The following HYCC2 variants were observed in gnomAD, a reference collection of about 807,000 sequenced individuals.
The protein encoded by HYCC2 is hyccin 2.
chr2:201,032,375 A>T, the HYCC2 span, among the ~76,000 whole-genome samples: 1 of 152,110 alleles, frequency 6.6e-6, no homozygotes, highest in Non-Finnish European at 1.5e-5. Flanking sequence ...CTTGAAGATG[A>T]ATATTAGACT....
At chr2:201,000,909 G>A in the HYCC2 span, among the ~76,000 whole-genome samples, 2 of 151,344 alleles carry the variant, frequency 1.3e-5, no homozygotes, top group South Asian at 2.1e-4. Flanking sequence ...CAAGGCAGGT[G>A]GATCACCTGA....
the HYCC2 span, among the ~76,000 whole-genome samples, chr2:201,046,322 G>A: frequency 1.3e-5 from 2 of 152,236 alleles, no homozygotes; most frequent in South Asian, 4.1e-4. Flanking sequence ...TATTTTAACT[G>A]AAGATGTGTC....
the HYCC2 span, among the ~76,000 whole-genome samples, chr2:201,053,445 C>A: frequency 2.0e-5 from 3 of 152,250 alleles, no homozygotes; most frequent in East Asian, 1.9e-4. Flanking sequence ...TATAGGAATG[C>A]GAAACTATCC....
the HYCC2 span, chr2:200,996,028 CTTT>C: frequency 5.2e-5 from 6 of 115,502 alleles, no homozygotes; most frequent in East Asian, 2.5e-4. Context: ...TTTCTTTTTT[CTTT>C]TTTTTTTTTT....
the HYCC2 span, among the ~76,000 whole-genome samples, chr2:201,019,067 GT>G: frequency 6.6e-6 from 1 of 152,182 alleles, no homozygotes; most frequent in African/African-American, 2.4e-5. Flanking sequence ...TTTGGAAACT[GT>G]CAGTTGCTGG....
At chr2:201,011,511 C>CCTCCG in the HYCC2 span, 1 of 935,594 alleles carries the variant, frequency 1.1e-6, no homozygotes, top group Non-Finnish European at 1.5e-6. Context: ...GAAATAATCA[C>CCTCCG]AGATCTACAC....
At chr2:201,019,411 T>C in the HYCC2 span, among the ~76,000 whole-genome samples, 12 of 152,146 alleles carry the variant, frequency 7.9e-5, no homozygotes, top group African/African-American at 2.7e-4. Context: ...GGGTAGATGT[T>C]GGCAATCCAG....
At chr2:201,062,770 A>G in the HYCC2 span, among the ~76,000 whole-genome samples, 1 of 151,064 alleles carries the variant, frequency 6.6e-6, no homozygotes, top group African/African-American at 2.4e-5. Flanking sequence ...GTGAGCTATA[A>G]TCGCACCACT....
At chr2:201,035,856 C>T in the HYCC2 span, among the ~76,000 whole-genome samples, 1 of 152,046 alleles carries the variant, frequency 6.6e-6, no homozygotes, top group African/African-American at 2.4e-5. Flanking sequence ...TTGGAGTTTG[C>T]CGGAGGTCCA....
chr2:200,997,967 C>T, the HYCC2 span, among the ~76,000 whole-genome samples: 288 of 152,240 alleles, frequency 1.9e-3, no homozygotes, highest in Middle Eastern at 6.8e-3. Context: ...ACCCGGGAGG[C>T]GGAGGTTGCA....
the HYCC2 span, among the ~76,000 whole-genome samples, chr2:201,050,233 C>G: frequency 6.6e-6 from 1 of 150,936 alleles, no homozygotes; most frequent in East Asian, 1.9e-4. Context: ...AAAAATTCCC[C>G]CCAAAACAAA....
chr2:200,988,308 A>G, the HYCC2 span: 1 of 1,613,734 alleles, frequency 6.2e-7, no homozygotes, highest in South Asian at 1.1e-5. Context: ...TTGTAATTGC[A>G]GTCCGAGAAA....
the HYCC2 span, among the ~76,000 whole-genome samples, chr2:200,999,707 A>C: frequency 6.6e-6 from 1 of 150,916 alleles, no homozygotes; most frequent in Non-Finnish European, 1.5e-5. Context: ...CTATTCTTAA[A>C]CATGAGGGAA....
At chr2:201,012,881 G>A in the HYCC2 span, among the ~76,000 whole-genome samples, 1 of 151,178 alleles carries the variant, frequency 6.6e-6, no homozygotes. Context: ...GGAGGCAGAG[G>A]TTGCAGTGAG....
the HYCC2 span, among the ~76,000 whole-genome samples, chr2:201,042,873 G>T: frequency 2.2e-5 from 3 of 137,452 alleles, no homozygotes; most frequent in Non-Finnish European, 4.8e-5. Context: ...CCCTCTGCCC[G>T]GCCGCCCCGT....
the HYCC2 span, among the ~76,000 whole-genome samples, chr2:201,035,380 C>G: frequency 6.6e-5 from 10 of 152,144 alleles, no homozygotes; most frequent in African/African-American, 1.9e-4. Context: ...ACCCTTTCTT[C>G]CAGTTGATTG....
the HYCC2 span, among the ~76,000 whole-genome samples, chr2:201,070,936 T>C: frequency 1.1e-4 from 16 of 152,226 alleles, no homozygotes; most frequent in East Asian, 1.3e-3. Context: ...AAGTCCATAA[T>C]TGGGATAAGC....
At chr2:200,985,560 C>G in the HYCC2 span, among the ~76,000 whole-genome samples, 3 of 152,114 alleles carry the variant, frequency 2.0e-5, no homozygotes, top group East Asian at 5.8e-4. Context: ...ATTCCAGAGG[C>G]TGAGGTGGGA....
the HYCC2 span, among the ~76,000 whole-genome samples, chr2:201,041,792 A>G: frequency 3.2e-4 from 49 of 152,326 alleles, 1 homozygote; most frequent in Admixed American, 2.2e-3. Flanking sequence ...AAACATATAT[A>G]TAGTCAATGA....
Sources: allele counts gnomAD v4.1 joint callset (sites outside exome capture counted in the v4.1 genomes callset), GRCh38; gene constraint gnomAD v4.1.1; transcripts MANE v1.5; gene names NCBI Gene and HGNC (gene_info 2026-07-23, HGNC 2026-07-21).